PCDH15: variants seen among roughly 807,000 people sequenced by gnomAD.
PCDH15 encodes the protein protocadherin-15.
Under a neutral mutation model 178.5 loss-of-function variants are expected in PCDH15, and 129 were observed. The observed-to-expected ratio is 0.72, with a 90% CI of 0.63 to 0.84. PCDH15 has a LOEUF of 0.84. PCDH15 is among the 40% of genes least tolerant of loss of function. The probability of loss-of-function intolerance (pLI) is 0.00; values close to 1 mark genes in which losing one functional copy is unlikely to be tolerated. For missense variants in PCDH15, 2,230 were observed against 2,099.9 expected (o/e 1.06, Z -1.21); for synonymous variants, 800 against 732.0 (o/e 1.09, Z -1.50).
At chr10:55,072,589 A>C (rs1227940227) in intron 2 of PCDH15, among the ~76,000 whole-genome samples, 2 of 152,056 alleles carry the variant, frequency 1.3e-5, no homozygotes, top group Non-Finnish European at 2.9e-5. Flanking sequence ...CAGGCTCTGA[A>C]ATTGTGGCAA....
intron 2 of PCDH15, among the ~76,000 whole-genome samples, chr10:55,437,808 C>G (rs1485939295): frequency 1.4e-5 from 2 of 145,118 alleles, no homozygotes; most frequent in African/African-American, 2.6e-5. Flanking sequence ...ATAAATGGAC[C>G]AAATTGTCTT....
At chr10:54,694,344 T>A (rs1238806282) in intron 1 of PCDH15, among the ~76,000 whole-genome samples, 2 of 152,136 alleles carry the variant, frequency 1.3e-5, no homozygotes, top group Non-Finnish European at 2.9e-5. Flanking sequence ...CGAGAGACAA[T>A]GAGACAAATA....
intron 26 of PCDH15, among the ~76,000 whole-genome samples, chr10:53,879,100 CTT>C (rs34125585): frequency 6.7e-5 from 10 of 150,136 alleles, no homozygotes; most frequent in African/African-American, 9.8e-5. Flanking sequence ...TCTATTTGTT[CTT>C]TTTTTTTTTA....
intron 8 of PCDH15, among the ~76,000 whole-genome samples, chr10:54,307,150 A>ATATATATATATATAT (rs2060612055): frequency 9.7e-6 from 1 of 103,204 alleles, no homozygotes; most frequent in African/African-American, 3.5e-5. Flanking sequence ...ATATATATAT[A>ATATATATATATATAT]AAATTGCTTC....
At chr10:53,832,096 A>G (rs892363406) in intron 29 of PCDH15, among the ~76,000 whole-genome samples, 1 of 151,066 alleles carries the variant, frequency 6.6e-6, no homozygotes, top group South Asian at 2.1e-4. Context: ...GTTTCAAACC[A>G]AAAGAATGTT....
chr10:54,633,114 G>A (rs973687617), intron 2 of PCDH15, among the ~76,000 whole-genome samples: 2 of 152,050 alleles, frequency 1.3e-5, no homozygotes, highest in African/African-American at 4.8e-5. Context: ...TACGGAGACT[G>A]AAAAAAAGCC....
chr10:54,565,854 G>A (rs1261553452), intron 2 of PCDH15, among the ~76,000 whole-genome samples: 3 of 152,108 alleles, frequency 2.0e-5, no homozygotes, highest in Non-Finnish European at 4.4e-5. Context: ...GGAGGCCAAG[G>A]CAGGTGGATC....
At chr10:54,607,972 G>T in intron 2 of PCDH15, 1 of 499,170 alleles carries the variant, frequency 2.0e-6, no homozygotes. Flanking sequence ...CCGCACTTTG[G>T]AAAGGCTTTG....
chr10:53,873,745 A>C (rs189892356), intron 26 of PCDH15, among the ~76,000 whole-genome samples: 92 of 152,320 alleles, frequency 6.0e-4, no homozygotes, highest in Admixed American at 5.6e-3. Flanking sequence ...TTCTCCCCAA[A>C]TTTATATGTT....
intron 15 of PCDH15, among the ~76,000 whole-genome samples, chr10:54,091,649 T>C (rs2094602581): frequency 6.6e-6 from 1 of 152,206 alleles, no homozygotes; most frequent in Admixed American, 6.5e-5. Context: ...TGTGCTAGGT[T>C]CTGTAAGAAA....
intron 3 of PCDH15, among the ~76,000 whole-genome samples, chr10:54,862,767 G>A (rs1019047452): frequency 1.3e-5 from 2 of 152,136 alleles, no homozygotes; most frequent in African/African-American, 4.8e-5. Context: ...CATGCTCACT[G>A]TCCTTTCACT....
At chr10:54,992,528 A>G (rs1839527253) in intron 2 of PCDH15, among the ~76,000 whole-genome samples, 1 of 152,088 alleles carries the variant, frequency 6.6e-6, no homozygotes, top group Non-Finnish European at 1.5e-5. Flanking sequence ...CGAGGCGGGC[A>G]GATCACAAGG....
At chr10:54,517,401 A>G (rs2082346705) in intron 3 of PCDH15, among the ~76,000 whole-genome samples, 1 of 152,176 alleles carries the variant, frequency 6.6e-6, no homozygotes, top group Admixed American at 6.5e-5. Flanking sequence ...AAACGGCAGG[A>G]GTTGCAATCC....
chr10:54,435,811 A>G (rs559967624), intron 3 of PCDH15, among the ~76,000 whole-genome samples: 15 of 151,992 alleles, frequency 9.9e-5, no homozygotes, highest in Non-Finnish European at 1.9e-4. Flanking sequence ...TCTACTAAAG[A>G]CACAAAAAAT....
In PCDH15 at chr10:54,369,214, G is replaced by C; in HGVS notation, c.380C>G (p.Thr127Ser). The change falls in exon 5 of 38, where the codon ACT becomes AGT. Residue 127 changes from threonine to serine, a missense_variant. By Grantham distance (58) the Thr-to-Ser change is moderately conservative (BLOSUM62 1). Coordinates refer to ENST00000644397, the MANE Select transcript of PCDH15 (RefSeq NM_001384140.1). ...TATTCGCACTTCATGGTAGATAATA[G>C]TGCCCACTTTTTTGTTGATGCACTG... ...QVQCINKKVG[T>S]IIYHEVRIVV... is the part of the protein sequence containing the mutation. The C allele has an allele frequency of 6.2e-7, 1 of 1,612,950 alleles. No individual in the cohort carries two copies. The highest frequency in any genetic ancestry group is 8.5e-7 in the Non-Finnish European group (1 of 1,179,402).
chr10:55,507,541 T>C (rs1418995319), intron 2 of PCDH15, among the ~76,000 whole-genome samples: 1 of 151,604 alleles, frequency 6.6e-6, no homozygotes, highest in Non-Finnish European at 1.5e-5. Context: ...TTTCTTTTCT[T>C]TTCTTTTTAA....
At chr10:55,043,034 T>C (rs1226256172) in intron 2 of PCDH15, among the ~76,000 whole-genome samples, 1 of 152,164 alleles carries the variant, frequency 6.6e-6, no homozygotes, top group Non-Finnish European at 1.5e-5. Flanking sequence ...TTCATTTTCA[T>C]GACTTTGTTC....
intron 8 of PCDH15, among the ~76,000 whole-genome samples, chr10:54,249,848 C>T (rs2056316711): frequency 6.6e-6 from 1 of 151,932 alleles, no homozygotes; most frequent in South Asian, 2.1e-4. Context: ...GAATTTTAAT[C>T]TTTATCATTT....
chr10:53,857,047 C>A, intron 28 of PCDH15, 128 bp downstream of exon 28: 1 of 720,782 alleles, frequency 1.4e-6, no homozygotes, highest in Non-Finnish European at 2.3e-6. Context: ...CTAAACCTCA[C>A]CAATATGCAA....
Sources: allele counts gnomAD v4.1 joint callset (sites outside exome capture counted in the v4.1 genomes callset), GRCh38; gene constraint gnomAD v4.1.1; transcripts MANE v1.5; gene names NCBI Gene and HGNC (gene_info 2026-07-23, HGNC 2026-07-21).